Variants in TTC13 observed in about 807,000 individuals in gnomAD.
TTC13 encodes tetratricopeptide repeat domain 13, also known as tetratricopeptide repeat protein 13.
Under a neutral mutation model 120.0 loss-of-function variants are expected in TTC13, and 62 were observed. The ratio of observed to expected loss-of-function variants is 0.52; its 90% CI spans 0.42 to 0.64. The LOEUF is 0.64. TTC13 is among the 30% of genes least tolerant of loss of function. TTC13 has a pLI of 0.00. For synonymous variants in TTC13, 384 were observed against 393.5 expected (o/e 0.98, Z 0.28); for missense variants, 824 against 1,050.2 (o/e 0.78, Z 2.98).
chr1:230,917,601 T>C (rs1169955234), intron 17 of TTC13, among the ~76,000 whole-genome samples: 1 of 152,098 alleles, frequency 6.6e-6, no homozygotes, highest in Non-Finnish European at 1.5e-5. Flanking sequence ...AAAGGCTAGA[T>C]GTATAATGCT....
In TTC13 at chr1:230,920,562, C is replaced by T. The variant is rs187593918; in HGVS notation, c.1931G>A (p.Arg644Gln). Reference sequence around the variant, plus strand: ...TTTGTGTACCTTTTCCAGGGCTTCCCGAACTTCCAGCAATCCTTTAGGATT... The same window carrying T: ...TTTGTGTACCTTTTCCAGGGCTTCCTGAACTTCCAGCAATCCTTTAGGATT... ...ANNPKGLLEV[R>Q]EALEKVHKVE... The change falls in exon 17 of 23, where the codon CGG becomes CAG. Residue 644 changes from arginine (R) to glutamine (Q), a missense_variant. Around this residue, in one of 4 missense-constraint regions of TTC13, gnomAD observed 226 missense variants for 259.1 expected, o/e 0.87. Transcript: ENST00000366661. The T allele has an allele frequency of 2.2e-4, 346 of 1,597,112 alleles. No individual in the cohort carries two copies. Among genetic ancestry groups the T allele is most frequent in the Non-Finnish European group, 2.8e-4 (333 of 1,173,742 alleles).
intron 7 of TTC13, among the ~76,000 whole-genome samples, chr1:230,939,889 A>G (rs1674391834): frequency 6.6e-6 from 1 of 152,192 alleles, no homozygotes; most frequent in African/African-American, 2.4e-5. Context: ...CTTTTAATAT[A>G]TTTTCTTTGG....
At chr1:230,976,089 G>A (rs1159610029) in intron 1 of TTC13, among the ~76,000 whole-genome samples, 2 of 152,212 alleles carry the variant, frequency 1.3e-5, no homozygotes, top group African/African-American at 4.8e-5. Context: ...TCTGAAAAGT[G>A]GTTGTGCTGC....
At position 230,938,992 on chromosome 1, in the gene TTC13, C is replaced by G. The variant is rs144834731; in HGVS notation, c.900+394G>C. 7.4e-3 allele frequency among the ~76,000 whole-genome samples: 1,128 copies of G among 152,262 alleles called. 12 individuals carry two copies. Among genetic ancestry groups the G allele is most frequent in the African/African-American group, 0.025 (1,058 of 41,538 alleles). The stretch of plus-strand genomic sequence containing the variant: ...TCTCTGCCTGAAGGGCTTTTCTTCT[C>G]CCACCTCCACCCCCTAATCCTACTC... On this transcript the variant is annotated intron_variant, in intron 8 of 22. Coordinates refer to ENST00000366661, the MANE Select transcript of TTC13 (RefSeq NM_024525.5).
Position 230,925,610 on chromosome 1 carries a change from C to T in TTC13, c.1495G>A (p.Glu499Lys). 1 of 1,614,120 alleles carries T rather than the reference C, an allele frequency of 6.2e-7. No individual in the cohort carries two copies. Among genetic ancestry groups the T allele is most frequent in the Non-Finnish European group, 8.5e-7 (1 of 1,179,962 alleles). ...GCCACACAAATCAGCTCCTGTACTTCAGGCTTATAACTCTCAAAATTCTGA... is the reference window on the plus strand; with the variant it reads ...GCCACACAAATCAGCTCCTGTACTTTAGGCTTATAACTCTCAAAATTCTGA... ...LHQNFESYKP[E>K]VQELICVADR... The change falls in exon 13 of 23, where the codon GAA becomes AAA. Residue 499 changes from glutamate (E) to lysine (K), a missense_variant. Physicochemically the swap from Glu to Lys is moderately conservative, Grantham distance 56 (BLOSUM62 1). Coordinates refer to ENST00000366661, the MANE Select transcript of TTC13 (RefSeq NM_024525.5).
Position 230,929,164 on chromosome 1 carries a change from A to G in TTC13, c.1301-71T>C, listed in dbSNP as rs1455587095. The G allele has an allele frequency of 6.8e-6, 10 of 1,465,226 alleles. No individual in the cohort carries two copies. In the African/African-American group the frequency reaches 8.5e-5, roughly 12 times the overall value. 90.8% of individuals were successfully genotyped at this position (1,465,226 alleles called of 1,614,324 possible). A position where few individuals can be genotyped will look rare whatever the true frequency, so the allele number is the denominator to read the frequency against. On this transcript the variant is annotated intron_variant, in intron 11 of 22. Coordinates refer to ENST00000366661, the MANE Select transcript of TTC13 (RefSeq NM_024525.5). Reference sequence around the variant, plus strand: ...AAACTTTCTTATGGCTAGCTGCCATACAAATACTTTGTAACAAGCTGTTCT... The same window carrying G: ...AAACTTTCTTATGGCTAGCTGCCATGCAAATACTTTGTAACAAGCTGTTCT...
chr1:230,926,579 G>A (rs1440260405), intron 12 of TTC13, among the ~76,000 whole-genome samples: 1 of 152,038 alleles, frequency 6.6e-6, no homozygotes, highest in East Asian at 1.9e-4. Context: ...GAATCCCCTC[G>A]AAATCCAAGT....
rs1674469424 is a variant in TTC13, at chr1:230,940,786, T to C, written c.673-230A>G. Among the ~76,000 whole-genome samples, 1 of 152,206 alleles carries C rather than the reference T, an allele frequency of 6.6e-6. No individual in the cohort carries two copies. Among genetic ancestry groups the C allele is most frequent in the South Asian group, 2.1e-4 (1 of 4,832 alleles). On this transcript the variant is annotated intron_variant, in intron 6 of 22. Transcript: ENST00000366661. The surrounding 1 kb of genome is among the most constrained non-coding windows in gnomAD (Gnocchi z 4.1). ...GCTGATGAACTATGACTGCAGCAACTGCCTTGTCACTATTTCACATTCTGG... is the reference window on the plus strand; with the variant it reads ...GCTGATGAACTATGACTGCAGCAACCGCCTTGTCACTATTTCACATTCTGG...
At chr1:230,908,458 G>T (rs1205387176) in intron 22 of TTC13, 1 of 528,958 alleles carries the variant, frequency 1.9e-6, no homozygotes, top group African/African-American at 1.9e-5. Context: ...CCAAAGTGCT[G>T]GGATTACAGG....
chr1:230,929,408 G>A (rs1266496601), intron 11 of TTC13, among the ~76,000 whole-genome samples: 1 of 150,644 alleles, frequency 6.6e-6, no homozygotes, highest in Non-Finnish European at 1.5e-5. Flanking sequence ...TCTGCCTCCT[G>A]GGTTCAAGCC....
Position 230,920,527 on chromosome 1 carries a change from G to A in TTC13, c.1966C>T (p.Leu656Phe), listed in dbSNP as rs1672488829. ...ALEKVHKVED[L>F]LPIMKQFNTK... ...AAAGTTACCTTCATAATCGGAAGAA[G>A]GTCTTCTACTTTGTGTACCTTTTCC... The change falls in exon 17 of 23, where the codon CTT becomes TTT. Residue 656 changes from leucine to phenylalanine, a missense_variant. Physicochemically the swap from Leu to Phe is conservative, Grantham distance 22. Coordinates refer to ENST00000366661, the MANE Select transcript of TTC13 (RefSeq NM_024525.5). 6.2e-7 allele frequency: 1 copy of A among 1,611,512 alleles called. No homozygotes were observed. Among genetic ancestry groups the A allele is most frequent in the African/African-American group, 1.3e-5 (1 of 74,822 alleles).
chr1:230,939,405 A>C lies in TTC13; in HGVS notation c.881T>G (p.Phe294Cys). Residue 294 changes from phenylalanine (F) to cysteine (C), a missense_variant, in exon 8 of 23, where the codon TTT becomes TGT. Around this residue, in one of 4 missense-constraint regions of TTC13, gnomAD observed 430 missense variants for 626.8 expected, o/e 0.69. Coordinates refer to ENST00000366661, the MANE Select transcript of TTC13 (RefSeq NM_024525.5). ...IAMLYKGLTF[F>C]HRGLLKEAIE... ...TTTCACCTTCAGAAGTCCTCTGTGA[A>C]AGAAAGTTAAACCTTTGTATAGCAT... is the stretch of plus-strand genomic sequence containing the variant. 1 of 1,610,638 alleles carries C rather than the reference A, an allele frequency of 6.2e-7. No homozygotes were observed. Among genetic ancestry groups the C allele is most frequent in the Non-Finnish European group, 8.5e-7 (1 of 1,177,440 alleles).
In TTC13 at chr1:230,944,517, C is replaced by A. The variant is rs12239767; in HGVS notation, c.580-619G>T. ...TTCATTGATGCTCTGAGTAAAATAT[C>A]ATTTCCTTCCTAAGCACTTCCATCA... On this transcript the variant is annotated intron_variant, in intron 5 of 22. Transcript: ENST00000366661. This position sits in a 1 kb window ranked among gnomAD's most constrained non-coding sequence, Gnocchi z 4.0. 0.011 allele frequency among the ~76,000 whole-genome samples: 1,660 copies of A among 152,234 alleles called. 30 individuals carry two copies. Among genetic ancestry groups the A allele is most frequent in the African/African-American group, 0.037 (1,540 of 41,540 alleles).
At chr1:230,934,663 A>G (rs544516923) in intron 8 of TTC13, among the ~76,000 whole-genome samples, 1 of 152,340 alleles carries the variant, frequency 6.6e-6, no homozygotes, top group Non-Finnish European at 1.5e-5. Flanking sequence ...TGACTTATAC[A>G]CTGCAATAAA....
chr1:230,943,856 C>T lies in TTC13; in HGVS notation c.622G>A (p.Val208Ile). ...AELALFELSR[V>I]ITLEPDRPEV... The stretch of plus-strand genomic sequence containing the variant: ...GGACGATCTGGTTCCAAGGTAATTA[C>T]TCGGCTCAGTTCGAACAGAGCAAGC... The change falls in exon 6 of 23, where the codon GTA becomes ATA. Residue 208 changes from valine to isoleucine, a missense_variant. Around this residue, in one of 4 missense-constraint regions of TTC13, gnomAD observed 430 missense variants for 626.8 expected, o/e 0.69. Transcript: ENST00000366661. 2.5e-6 allele frequency: 4 copies of T among 1,612,186 alleles called. 1 individual carries two copies. In the South Asian group the frequency reaches 4.4e-5, roughly 18 times the overall value.
chr1:230,958,344 A>G (rs1433491242), intron 2 of TTC13, 45 bp from the exon 3 acceptor site: 24 of 1,560,716 alleles, frequency 1.5e-5, no homozygotes, highest in Non-Finnish European at 2.1e-5. Context: ...GCTATCACAA[A>G]TGAAAGAAAA....
intron 11 of TTC13, 39 bp downstream of exon 11, chr1:230,931,259 A>G (rs1212692403): frequency 1.9e-6 from 3 of 1,598,812 alleles, no homozygotes; most frequent in Admixed American, 1.7e-5. Context: ...TACAGCTTTG[A>G]GCATGAAAAT....
At chr1:230,916,142 A>T in intron 18 of TTC13, 51 bp downstream of exon 18, 1 of 1,343,388 alleles carries the variant, frequency 7.4e-7, no homozygotes, top group Non-Finnish European at 1.1e-6. Context: ...AAGCACAGGC[A>T]CCCTTCCTGC....
chr1:230,948,027 G>A (rs943495802), intron 4 of TTC13, among the ~76,000 whole-genome samples: 1 of 151,980 alleles, frequency 6.6e-6, no homozygotes, highest in African/African-American at 2.4e-5. Context: ...CACCTTACCT[G>A]TTCCCATTTC....
Sources: gnomAD v4.1 joint callset for allele counts (sites outside exome capture counted in the v4.1 genomes callset) on GRCh38, gnomAD v4.1.1 for gene constraint, gnomAD v4.1.1 regional missense constraint, Gnocchi (gnomAD v3.1) non-coding constraint, MANE v1.5 for transcripts, NCBI Gene and HGNC (gene_info 2026-07-23, HGNC 2026-07-21) for gene names.